UST: variants seen among roughly 807,000 people sequenced by gnomAD.
UST encodes uronyl 2-sulfotransferase.
A neutral mutation model predicts 45.6 loss-of-function variants in UST; 21 were observed. The ratio of observed to expected loss-of-function variants is 0.46; its 90% confidence interval spans 0.33 to 0.66. UST has a LOEUF of 0.66. Ranked by LOEUF, UST falls within the 30% of genes least tolerant of loss-of-function variation. The probability of loss-of-function intolerance (pLI) is 0.02; values close to 1 mark genes in which losing one functional copy is unlikely to be tolerated. For missense variants in UST, 463 were observed against 512.4 expected, an observed-to-expected ratio of 0.90 and a Z score of 0.93; for synonymous variants, 215 against 200.6, an observed-to-expected ratio of 1.07 and a Z score of -0.61.
At chr6:148,753,328 T>C (rs1360478006) in intron 1 of UST, among the ~76,000 whole-genome samples, 1 of 152,232 alleles carries the variant, frequency 6.6e-6, no homozygotes, top group Non-Finnish European at 1.5e-5. Context: ...GCTAATTTAC[T>C]TTCTGTCTGT....
chr6:149,061,310 A>G (rs1452484769), intron 7 of UST, among the ~76,000 whole-genome samples: 1 of 152,184 alleles, frequency 6.6e-6, no homozygotes, highest in Non-Finnish European at 1.5e-5. Flanking sequence ...TTTCCTTTCT[A>G]TTTACATTAA....
At chr6:148,910,288 G>C (rs1779448157) in intron 2 of UST, among the ~76,000 whole-genome samples, 1 of 151,976 alleles carries the variant, frequency 6.6e-6, no homozygotes, top group African/African-American at 2.4e-5. Flanking sequence ...TAACAGGCAT[G>C]CACCACCACA....
intron 1 of UST, among the ~76,000 whole-genome samples, chr6:148,796,400 C>G (rs908957275): frequency 6.6e-6 from 1 of 151,900 alleles, no homozygotes; most frequent in African/African-American, 2.4e-5. Context: ...CTGAGGCAGG[C>G]AGATCACAAG....
intron 1 of UST, among the ~76,000 whole-genome samples, chr6:148,865,362 A>G (rs1381931364): frequency 6.6e-6 from 1 of 152,194 alleles, no homozygotes; most frequent in Non-Finnish European, 1.5e-5. Context: ...CCGTGTTTAA[A>G]GCTTTTGAAA....
intron 2 of UST, among the ~76,000 whole-genome samples, chr6:148,917,737 C>G (rs911707020): frequency 6.6e-6 from 1 of 152,188 alleles, no homozygotes; most frequent in African/African-American, 2.4e-5. Flanking sequence ...GCTGAGGCAT[C>G]TCCCACAGGG....
chr6:148,908,294 A>G (rs986428143), intron 2 of UST, among the ~76,000 whole-genome samples: 9 of 152,174 alleles, frequency 5.9e-5, no homozygotes, highest in Non-Finnish European at 1.2e-4. Context: ...GTAGGTATAT[A>G]TAGTATATTT....
At chr6:148,980,312 A>G (rs1209374450) in intron 5 of UST, among the ~76,000 whole-genome samples, 2 of 152,094 alleles carry the variant, frequency 1.3e-5, no homozygotes, top group African/African-American at 4.8e-5. Context: ...TGTCTCTCAG[A>G]TGTCCCCATC....
At chr6:149,067,776 T>C (rs1776762689) in intron 7 of UST, among the ~76,000 whole-genome samples, 2 of 152,198 alleles carry the variant, frequency 1.3e-5, no homozygotes, top group African/African-American at 4.8e-5. Context: ...TTTCCAGTCA[T>C]AGAGTCGATG....
chr6:148,875,803 C>CA (rs1210613804), intron 1 of UST, among the ~76,000 whole-genome samples: 1 of 151,940 alleles, frequency 6.6e-6, no homozygotes, highest in Non-Finnish European at 1.5e-5. Flanking sequence ...GACTCCGCCT[C>CA]AAAAAAACAA....
At chr6:148,873,087 CAG>C (rs1268518662) in intron 1 of UST, among the ~76,000 whole-genome samples, 3 of 152,192 alleles carry the variant, frequency 2.0e-5, no homozygotes, top group Non-Finnish European at 2.9e-5. Context: ...AAGAATCAAG[CAG>C]AGTTTCCTTT....
At chr6:149,008,522 A>C (rs1775752369) in intron 5 of UST, among the ~76,000 whole-genome samples, 1 of 152,252 alleles carries the variant, frequency 6.6e-6, no homozygotes, top group South Asian at 2.1e-4. Flanking sequence ...AACAGTGAGC[A>C]GAAAAACAAG....
At chr6:148,941,559 G>A in intron 3 of UST, 125 bp downstream of exon 3, 1 of 1,172,274 alleles carries the variant, frequency 8.5e-7, no homozygotes. Flanking sequence ...ATTTCATGCT[G>A]TATTTTTGCC....
chr6:149,058,639 A>C (rs898958695), intron 7 of UST, among the ~76,000 whole-genome samples: 1 of 152,212 alleles, frequency 6.6e-6, no homozygotes, highest in African/African-American at 2.4e-5. Context: ...TGGCCTTCAT[A>C]ATACGATTTC....
At chr6:148,850,136 C>CT (rs35478531) in intron 1 of UST, among the ~76,000 whole-genome samples, 59 of 152,222 alleles carry the variant, frequency 3.9e-4, no homozygotes, top group African/African-American at 1.3e-3. Context: ...AGTGTTTTCA[C>CT]TTTTTGAAAA....
intron 1 of UST, among the ~76,000 whole-genome samples, chr6:148,870,476 CT>C (rs1357821584): frequency 6.6e-6 from 1 of 152,210 alleles, no homozygotes; most frequent in Non-Finnish European, 1.5e-5. Context: ...GTAAACACAT[CT>C]TTAACTTAGA....
chr6:148,889,212 G>C (rs577107663), intron 2 of UST, among the ~76,000 whole-genome samples: 1 of 152,366 alleles, frequency 6.6e-6, no homozygotes, highest in Non-Finnish European at 1.5e-5. Context: ...TGCTGATGCT[G>C]TCAGTCTGGA....
At chr6:149,035,847 A>G (rs766261504) in intron 7 of UST, among the ~76,000 whole-genome samples, 4 of 151,980 alleles carry the variant, frequency 2.6e-5, no homozygotes, top group Non-Finnish European at 5.9e-5. Context: ...TCGCTTGAGG[A>G]TAATCAAATA....
At chr6:148,910,011 T>G (rs906170643) in intron 2 of UST, among the ~76,000 whole-genome samples, 1 of 151,960 alleles carries the variant, frequency 6.6e-6, no homozygotes, top group East Asian at 1.9e-4. Flanking sequence ...TGTTTGCTAT[T>G]TAATGATTTG....
At chr6:148,800,688 T>TA (rs796855800) in intron 1 of UST, among the ~76,000 whole-genome samples, 20 of 152,232 alleles carry the variant, frequency 1.3e-4, no homozygotes, top group African/African-American at 4.6e-4. Context: ...CTTGCATAGT[T>TA]ACTGTTTTGG....
Sources: gnomAD v4.1 joint callset for allele counts (sites outside exome capture counted in the v4.1 genomes callset) on GRCh38, gnomAD v4.1.1 for gene constraint, MANE v1.5 for transcripts, NCBI Gene and HGNC (gene_info 2026-07-23, HGNC 2026-07-21) for gene names.